Variants in GJA4 observed in about 807,000 individuals in gnomAD.
GJA4 encodes the protein gap junction alpha-4 protein.
Under a neutral mutation model 25.1 loss-of-function variants are expected in GJA4, and 13 were observed. That is an observed-to-expected ratio of 0.52 (90% CI 0.34 to 0.82). The LOEUF (loss-of-function observed/expected upper bound fraction) is 0.82, where lower values mean the gene tolerates loss of function less well. Among genes scored for constraint, GJA4 ranks in the 40% least tolerant of loss-of-function variants. The pLI, the probability that GJA4 is intolerant of heterozygous loss-of-function variation, is 0.02. For missense variants in GJA4, 357 were observed against 443.5 expected, an observed-to-expected ratio of 0.80 and a Z score of 1.75; for synonymous variants, 167 against 193.9, an observed-to-expected ratio of 0.86 and a Z score of 1.15.
intron 1 of GJA4, among the ~76,000 whole-genome samples, chr1:34,793,857 C>T (rs939287045): frequency 6.6e-6 from 1 of 152,196 alleles, no homozygotes; most frequent in Non-Finnish European, 1.5e-5. Flanking sequence ...AAATTCTGTT[C>T]CCATAGGCAA....
At position 34,794,760 on chromosome 1, in the gene GJA4, C is replaced by G. The variant is rs1640256588; in HGVS notation, c.547C>G (p.Pro183Ala). 1 of 1,613,942 alleles carries G rather than the reference C, an allele frequency of 6.2e-7. No individual in the cohort carries two copies. The highest frequency in any genetic ancestry group is 1.7e-5 in the Admixed American group (1 of 60,030). The stretch of plus-strand genomic sequence containing the variant: ...GCGCCTGTACGGCTGGACCATGGAG[C>G]CCGTGTTTGTGTGCCAGCGAGCACC... ...QWRLYGWTME[P>A]VFVCQRAPCP... Residue 183 changes from proline to alanine, a missense_variant, in exon 2 of 2, where the codon CCC becomes GCC. This residue lies in a region of GJA4 where 278 missense variants were observed against 298.1 expected (regional missense o/e 0.93). Transcript: ENST00000342280. This position sits in a 1 kb window ranked among gnomAD's most constrained non-coding sequence, Gnocchi z 7.8.
At position 34,795,202 on chromosome 1, in the gene GJA4, A is replaced by G; in HGVS notation, c.989A>G (p.Lys330Arg). ...CGTCCCAGCAGCTCTGCTTCTAAGA[A>G]GCAGTATGTATAGAGGCCTGTGGCT... ...PSRPSSSASK[K>R]QYV Residue 330 changes from lysine to arginine, a missense_variant, in exon 2 of 2, where the codon AAG (lysine) becomes AGG (arginine). Physicochemically the swap from Lys to Arg is conservative, Grantham distance 26. This residue lies in a region of GJA4 where 278 missense variants were observed against 298.1 expected (regional missense o/e 0.93). Coordinates refer to ENST00000342280, the MANE Select transcript of GJA4 (RefSeq NM_002060.3). 1 of 1,609,060 alleles carries G rather than the reference A, an allele frequency of 6.2e-7. No individual in the cohort carries two copies. Among genetic ancestry groups the G allele is most frequent in the Non-Finnish European group, 8.5e-7 (1 of 1,177,282 alleles).
chr1:34,794,701 G>C lies in GJA4; in HGVS notation c.488G>C (p.Ser163Thr). The change falls in exon 2 of 2, where the codon AGT (serine) becomes ACT (threonine). Residue 163 changes from serine (S) to threonine (T), a missense_variant. By Grantham distance (58) the Ser-to-Thr change is moderately conservative. Transcript: ENST00000342280. This position sits in a 1 kb window ranked among gnomAD's most constrained non-coding sequence, Gnocchi z 7.8. ...TATGTCGCCAGTGTGCTCTGCAAGA[G>C]TGTGCTAGAGGCAGGCTTCCTCTAT... is the stretch of plus-strand genomic sequence containing the variant. ...GTYVASVLCK[S>T]VLEAGFLYGQ... The C allele has an allele frequency of 3.1e-6, 5 of 1,612,826 alleles. No individual in the cohort carries two copies. Among genetic ancestry groups the C allele is most frequent in the Non-Finnish European group, 3.4e-6 (4 of 1,180,018 alleles).
At position 34,794,244 on chromosome 1, in the gene GJA4, C is replaced by T; in HGVS notation, c.31C>T (p.Leu11=). The T allele has an allele frequency of 6.2e-7, 1 of 1,614,152 alleles. No homozygotes were observed. The highest frequency in any genetic ancestry group is 8.5e-7 in the Non-Finnish European group (1 of 1,179,984). Residue 11 remains leucine, a synonymous_variant, in exon 2 of 2, where the codon CTG becomes TTG. Coordinates refer to ENST00000342280, the MANE Select transcript of GJA4 (RefSeq NM_002060.3). This position sits in a 1 kb window ranked among gnomAD's most constrained non-coding sequence, Gnocchi z 7.8. ...TGACTGGGGCTTCCTGGAGAAGTTG[C>T]TGGACCAGGTCCAGGAGCACTCGAC... MGDWGFLEKL[L]DQVQEHSTVV...
rs1198455588 is a variant in GJA4, at chr1:34,794,570, G to C, written c.357G>C (p.Lys119Asn). Residue 119 changes from lysine to asparagine, a missense_variant, in exon 2 of 2, where the codon AAG (lysine) becomes AAC (asparagine). This residue lies in a region of GJA4 where 278 missense variants were observed against 298.1 expected (regional missense o/e 0.93). Transcript: ENST00000342280. This position sits in a 1 kb window ranked among gnomAD's most constrained non-coding sequence, Gnocchi z 7.8. ...KEGELRALPAKDPQVERALAA... is the reference protein window; with the variant it reads ...KEGELRALPANDPQVERALAA... ...GGGAGCTGCGGGCACTGCCGGCCAA[G>C]GACCCACAGGTGGAGCGGGCGCTGG... is the stretch of plus-strand genomic sequence containing the variant. 6.2e-7 allele frequency: 1 copy of C among 1,609,390 alleles called. No homozygotes were observed. Among genetic ancestry groups the C allele is most frequent in the Non-Finnish European group, 8.5e-7 (1 of 1,179,978 alleles).
Sources: gnomAD v4.1 joint callset for allele counts (sites outside exome capture counted in the v4.1 genomes callset) on GRCh38, gnomAD v4.1.1 for gene constraint, gnomAD v4.1.1 regional missense constraint, Gnocchi (gnomAD v3.1) non-coding constraint, MANE v1.5 for transcripts, NCBI Gene and HGNC (gene_info 2026-07-23, HGNC 2026-07-21) for gene names.